GTF2F2: variants seen among roughly 807,000 people sequenced by gnomAD.
The protein encoded by GTF2F2 is ATP-dependent helicase GTF2F2.
Under a neutral mutation model 42.2 loss-of-function variants are expected in GTF2F2, and 23 were observed. That is an observed-to-expected ratio of 0.55 (90% CI 0.39 to 0.77). GTF2F2 has a LOEUF of 0.77. GTF2F2 is among the 30% of genes least tolerant of loss of function. The probability of loss-of-function intolerance (pLI) is 0.00; values close to 1 mark genes in which losing one functional copy is unlikely to be tolerated. For synonymous variants in GTF2F2, 105 were observed against 100.8 expected, an observed-to-expected ratio of 1.04 and a Z score of -0.25; for missense variants, 261 against 287.2, an observed-to-expected ratio of 0.91 and a Z score of 0.66.
At chr13:45,186,011 G>A (rs1872403586) in intron 4 of GTF2F2, among the ~76,000 whole-genome samples, 1 of 151,242 alleles carries the variant, frequency 6.6e-6, no homozygotes, top group Non-Finnish European at 1.5e-5. Flanking sequence ...ATCTCATTCT[G>A]TAGCCCAGGC....
intron 4 of GTF2F2, among the ~76,000 whole-genome samples, chr13:45,165,322 TA>T (rs1871228769): frequency 1.5e-5 from 2 of 132,636 alleles, no homozygotes; most frequent in Non-Finnish European, 3.1e-5. Context: ...TATATATATA[TA>T]TATATATATT....
intron 5 of GTF2F2, among the ~76,000 whole-genome samples, chr13:45,238,132 T>G (rs1875085442): frequency 6.6e-6 from 1 of 152,116 alleles, no homozygotes; most frequent in South Asian, 2.1e-4. Flanking sequence ...TTTTTGCATA[T>G]TTAATAGAGA....
chr13:45,251,361 A>T (rs1221098360), intron 5 of GTF2F2, among the ~76,000 whole-genome samples: 2 of 152,198 alleles, frequency 1.3e-5, no homozygotes, highest in Non-Finnish European at 2.9e-5. Context: ...TCCCATTCAA[A>T]TAAAATAATA....
chr13:45,224,992 C>CA (rs978806889), intron 5 of GTF2F2, among the ~76,000 whole-genome samples: 1 of 152,142 alleles, frequency 6.6e-6, no homozygotes, highest in African/African-American at 2.4e-5. Flanking sequence ...GGCTTAGTAC[C>CA]AAGTTGTTCT....
intron 2 of GTF2F2, among the ~76,000 whole-genome samples, chr13:45,144,939 C>T (rs1870121912): frequency 6.6e-6 from 1 of 152,138 alleles, no homozygotes; most frequent in Non-Finnish European, 1.5e-5. Flanking sequence ...ACTTACACAA[C>T]ATGCACACAT....
At chr13:45,140,594 C>T (rs947320346) in intron 2 of GTF2F2, among the ~76,000 whole-genome samples, 4 of 152,090 alleles carry the variant, frequency 2.6e-5, no homozygotes, top group African/African-American at 9.7e-5. Context: ...ATAAGATGAA[C>T]ATATTCCTGG....
At chr13:45,249,708 T>C (rs1348958734) in intron 5 of GTF2F2, among the ~76,000 whole-genome samples, 1 of 152,192 alleles carries the variant, frequency 6.6e-6, no homozygotes, top group East Asian at 1.9e-4. Context: ...GGATGTCTCA[T>C]AAGATCAAAT....
chr13:45,129,591 A>T (rs188424019), intron 1 of GTF2F2, among the ~76,000 whole-genome samples: 16 of 152,312 alleles, frequency 1.1e-4, no homozygotes, highest in Non-Finnish European at 1.8e-4. Flanking sequence ...TATATATCCT[A>T]GGTATATTCC....
rs1366891515 is a variant in GTF2F2, at chr13:45,267,254, AAAG to A, written c.513_515del (p.Glu171del). The A allele has an allele frequency of 6.2e-7, 1 of 1,613,204 alleles. No individual in the cohort carries two copies. The highest frequency in any genetic ancestry group is 8.5e-7 in the Non-Finnish European group (1 of 1,179,484). On this transcript the variant is annotated inframe_deletion, in exon 7 of 8. Transcript: ENST00000340473. ...ATAGATCGAATATGAAAGGAAAAAGAAAGAAGACGGAAAGCGAGCTCGAGCTGA... is the reference window on the plus strand; with the variant it reads ...ATAGATCGAATATGAAAGGAAAAAGAAAGACGGAAAGCGAGCTCGAGCTGA...
intron 4 of GTF2F2, among the ~76,000 whole-genome samples, chr13:45,188,015 C>T (rs891283809): frequency 1.3e-5 from 2 of 152,160 alleles, no homozygotes; most frequent in African/African-American, 4.8e-5. Flanking sequence ...TAGCGATTCT[C>T]ATGCCGCAGC....
intron 4 of GTF2F2, among the ~76,000 whole-genome samples, chr13:45,198,741 C>CCT (rs1362050031): frequency 7.2e-5 from 11 of 151,968 alleles, no homozygotes. Flanking sequence ...TTTTGACCTT[C>CCT]CTCTGCCTTT....
In GTF2F2 at chr13:45,207,409, T is replaced by A. The variant is rs1436093613; in HGVS notation, c.305-15T>A. 3 of 1,530,168 alleles carry A rather than the reference T, an allele frequency of 2.0e-6. No homozygotes were observed. Among genetic ancestry groups the A allele is most frequent in the Non-Finnish European group, 2.7e-6 (3 of 1,104,046 alleles). 94.8% of individuals were successfully genotyped at this position (1,530,168 alleles called of 1,614,324 possible). A position where few individuals can be genotyped will look rare whatever the true frequency, so the allele number is the denominator to read the frequency against. On this transcript the variant is annotated splice_polypyrimidine_tract_variant and intron_variant, in intron 4 of 7. Coordinates refer to ENST00000340473, the MANE Select transcript of GTF2F2 (RefSeq NM_004128.3). ...ATAAGTATTATCTCTGAATCCTTTT[T>A]TTTTTCCATTCAAGATAAGCTGTCA... is the stretch of plus-strand genomic sequence containing the variant.
intron 5 of GTF2F2, among the ~76,000 whole-genome samples, chr13:45,217,273 A>G (rs1360304154): frequency 7.0e-6 from 1 of 143,380 alleles, no homozygotes; most frequent in Non-Finnish European, 1.5e-5. Context: ...GCTCCAGCCT[A>G]GGTGACAGAG....
At chr13:45,125,596 A>T (rs895001154) in intron 1 of GTF2F2, among the ~76,000 whole-genome samples, 6 of 152,160 alleles carry the variant, frequency 3.9e-5, no homozygotes, top group Admixed American at 3.3e-4. Context: ...TACTGGGATT[A>T]CCGGTGTGAG....
intron 4 of GTF2F2, chr13:45,207,080 C>G (rs1233778036): frequency 1.1e-5 from 2 of 182,854 alleles, no homozygotes; most frequent in African/African-American, 2.4e-5. Flanking sequence ...GCTGTGTTTT[C>G]AGAAGTTACT....
intron 6 of GTF2F2, among the ~76,000 whole-genome samples, chr13:45,254,748 G>A (rs1876030190): frequency 6.6e-6 from 1 of 152,224 alleles, no homozygotes; most frequent in African/African-American, 2.4e-5. Flanking sequence ...TGTAATAAGT[G>A]TGATGGTTTC....
At chr13:45,249,429 G>T (rs911562643) in intron 5 of GTF2F2, among the ~76,000 whole-genome samples, 4 of 152,092 alleles carry the variant, frequency 2.6e-5, no homozygotes, top group Non-Finnish European at 4.4e-5. Context: ...ATGCTTTGAG[G>T]ATAAAAACTG....
chr13:45,259,256 G>A lies in GTF2F2; in HGVS notation c.486+6286G>A, dbSNP rs144231298. Among the ~76,000 whole-genome samples the A allele has an allele frequency of 3.5e-4, 53 of 152,196 alleles. 1 individual carries two copies. Among genetic ancestry groups the A allele is most frequent in the African/African-American group, 1.0e-3 (42 of 41,540 alleles). ...AGCCTGACCAACCTGGTAAAACCCC[G>A]TCTCTACTAAAAGTACAAAATTAGC... On this transcript the variant is annotated intron_variant, in intron 6 of 7. Transcript: ENST00000340473.
chr13:45,191,976 C>T (rs896381853), intron 4 of GTF2F2, among the ~76,000 whole-genome samples: 8 of 151,900 alleles, frequency 5.3e-5, no homozygotes, highest in Non-Finnish European at 8.8e-5. Context: ...TTTTATTATC[C>T]GTAATGAAAT....
Sources: gnomAD v4.1 joint callset for allele counts (sites outside exome capture counted in the v4.1 genomes callset) on GRCh38, gnomAD v4.1.1 for gene constraint, MANE v1.5 for transcripts, NCBI Gene and HGNC (gene_info 2026-07-23, HGNC 2026-07-21) for gene names.